Variants in ALG12 observed in about 807,000 individuals in gnomAD.
The protein encoded by ALG12 is ALG12 alpha-1,6-mannosyltransferase.
A neutral mutation model predicts 46.0 loss-of-function variants in ALG12; 36 were observed. That is an observed-to-expected ratio of 0.78 (90% CI 0.60 to 1.03). The LOEUF (loss-of-function observed/expected upper bound fraction) is 1.03, where lower values mean the gene tolerates loss of function less well. Among genes scored for constraint, ALG12 ranks in the 50% least tolerant of loss-of-function variants. The probability of loss-of-function intolerance (pLI) is 0.00; values close to 1 mark genes in which losing one functional copy is unlikely to be tolerated. For missense variants in ALG12, 599 were observed against 633.5 expected (o/e 0.95, Z 0.58); for synonymous variants, 326 against 291.6 (o/e 1.12, Z -1.20).
intron 7 of ALG12, 187 bp from the exon 8 acceptor site, chr22:49,904,693 G>A (rs2060533686): frequency 1.6e-5 from 10 of 641,204 alleles, no homozygotes; most frequent in South Asian, 3.7e-5. Context: ...AGAATTGTCT[G>A]TGAAATTCTA....
the ALG12 span, chr22:49,886,452 G>A: frequency 6.3e-7 from 1 of 1,576,230 alleles, no homozygotes. The surrounding 1 kb of genome is among the most constrained non-coding windows in gnomAD (Gnocchi z 7.7). Flanking sequence ...GGGAGGTCAT[G>A]CAGTCCGTGT....
chr22:49,897,339 A>G (rs535360737), downstream of ALG12, among the ~76,000 whole-genome samples: 34 of 152,320 alleles, frequency 2.2e-4, no homozygotes, highest in Non-Finnish European at 4.7e-4. Context: ...TTGAGTAGAT[A>G]CTGAGGAGCT....
rs1601817518 is a variant in ALG12 at position 49,903,170 on chromosome 22, C to T, written c.*668G>A. Reference sequence around the variant, plus strand: ...AATAGTCACCTGTGATAAGCTATCACATAGGAAACATTTTTAAAATTTCAT... The same window carrying T: ...AATAGTCACCTGTGATAAGCTATCATATAGGAAACATTTTTAAAATTTCAT... On this transcript the variant is annotated 3_prime_UTR_variant, in exon 10 of 10. Transcript: ENST00000330817. The T allele has an allele frequency of 2.7e-6, 1 of 372,534 alleles. No homozygotes were observed. Among genetic ancestry groups the T allele is most frequent in the Admixed American group, 3.4e-5 (1 of 29,234 alleles). The allele number at this position is 372,534 out of a possible 1,614,324, so 23.1% of individuals were successfully genotyped here. A position where few individuals can be genotyped will look rare whatever the true frequency, so the allele number is the denominator to read the frequency against.
rs1214136684 is a variant in ALG12, at chr22:49,906,715, G to A, written c.992+1006C>T. The stretch of plus-strand genomic sequence containing the variant: ...GCCCTGCCGCCCCTCAATGCCCAGC[G>A]TGGCCTGAGTTGGCCTCCTGTTCCC... On this transcript the variant is annotated intron_variant, in intron 7 of 9. Transcript: ENST00000330817. This position sits in a 1 kb window ranked among gnomAD's most constrained non-coding sequence, Gnocchi z 4.4. Among the ~76,000 whole-genome samples the A allele has an allele frequency of 2.6e-5, 4 of 152,160 alleles. No individual in the cohort carries two copies. The highest frequency in any genetic ancestry group is 4.8e-5 in the African/African-American group (2 of 41,444).
Position 49,905,949 on chromosome 22 carries a change from G to A in ALG12, c.993-1443C>T, listed in dbSNP as rs1193279968. Among the ~76,000 whole-genome samples the A allele has an allele frequency of 6.6e-6, 1 of 152,150 alleles. No individual in the cohort carries two copies. The highest frequency in any genetic ancestry group is 1.5e-5 in the Non-Finnish European group (1 of 68,014). ...AGTGGGCAGTCACTGTGGAAAGCTC[G>A]CAATCAGAAACCTTCCACCCCCAGG... On this transcript the variant is annotated intron_variant, in intron 7 of 9. Coordinates refer to ENST00000330817, the MANE Select transcript of ALG12 (RefSeq NM_024105.4). This position sits in a 1 kb window ranked among gnomAD's most constrained non-coding sequence, Gnocchi z 4.9.
the ALG12 span, chr22:49,885,147 C>T: frequency 8.7e-6 from 14 of 1,614,168 alleles, no homozygotes; most frequent in Non-Finnish European, 1.2e-5. Flanking sequence ...TGGGCACCAG[C>T]TGCCTGATGA....
At position 49,903,244 on chromosome 22, in the gene ALG12, CTTA is replaced by C. The variant is rs1272019353; in HGVS notation, c.*591_*593del. On this transcript the variant is annotated 3_prime_UTR_variant, in exon 10 of 10. Coordinates refer to ENST00000330817, the MANE Select transcript of ALG12 (RefSeq NM_024105.4). The stretch of plus-strand genomic sequence containing the variant: ...AGAGGTTCCAATCAACATTTATTGC[CTTA>C]TTCTTTTTATCTCATTCCTTTTTGA... The C allele has an allele frequency of 3.0e-5, 13 of 434,198 alleles. No individual in the cohort carries two copies. Among genetic ancestry groups the C allele is most frequent in the Non-Finnish European group, 4.6e-5 (10 of 219,434 alleles). The allele number at this position is 434,198 out of a possible 1,614,324, so 26.9% of individuals were successfully genotyped here.
intron 3 of ALG12, among the ~76,000 whole-genome samples, chr22:49,913,069 AC>A (rs916422552): frequency 6.6e-6 from 1 of 152,156 alleles, no homozygotes; most frequent in African/African-American, 2.4e-5. Context: ...AAGGCTGTTG[AC>A]CCCATGGGGG....
At chr22:49,868,823 G>A in the ALG12 span, among the ~76,000 whole-genome samples, 2 of 151,826 alleles carry the variant, frequency 1.3e-5, no homozygotes, top group Admixed American at 6.6e-5. Context: ...GAAACGTCAC[G>A]GATGCAGGCC....
Position 49,901,347 on chromosome 22 carries a change from G to T in ALG12, c.*2491C>A, listed in dbSNP as rs886850549. On this transcript the variant is annotated 3_prime_UTR_variant, in exon 10 of 10. Coordinates refer to ENST00000330817, the MANE Select transcript of ALG12 (RefSeq NM_024105.4). ...GCACAGATGTTCGCCAGACGCAATG[G>T]GAAAACCAGGAGGCATCAGGTGGAG... The T allele has an allele frequency of 2.0e-5, 3 of 152,308 alleles. No homozygotes were observed. The highest frequency in any genetic ancestry group is 7.2e-5 in the African/African-American group (3 of 41,466). 9.4% of individuals were successfully genotyped at this position (152,308 alleles called of 1,614,324 possible). A position where few individuals can be genotyped will look rare whatever the true frequency, so the allele number is the denominator to read the frequency against.
At chr22:49,873,075 C>A in the ALG12 span, among the ~76,000 whole-genome samples, 2 of 152,228 alleles carry the variant, frequency 1.3e-5, no homozygotes, top group Non-Finnish European at 2.9e-5. Flanking sequence ...ATGCAGTCCA[C>A]CTGCCTTGGC....
chr22:49,890,527 AAGTC>A, the ALG12 span, among the ~76,000 whole-genome samples: 5 of 152,172 alleles, frequency 3.3e-5, no homozygotes, highest in African/African-American at 7.2e-5. Flanking sequence ...TGAGGAAACA[AAGTC>A]AGAAGGAGCA....
At chr22:49,885,429 G>A in the ALG12 span, 2 of 1,609,502 alleles carry the variant, frequency 1.2e-6, no homozygotes, top group Non-Finnish European at 1.7e-6. Context: ...TCAGCCGGGG[G>A]AAGAAGCCGA....
At chr22:49,859,489 T>C in the ALG12 span, among the ~76,000 whole-genome samples, 139,645 of 152,076 alleles carry the variant, frequency 0.92, 64,198 homozygotes, top group African/African-American at 0.97. Context: ...TCTGGCCCAG[T>C]GTCCCAGGCT....
Position 49,905,988 on chromosome 22 carries a change from C to T in ALG12, c.993-1482G>A, listed in dbSNP as rs1305317668. ...TCCACCCCCAGGACTGTCTCAAGGC[C>T]CTGGGCCCTGACACCGTGGGAAACG... is the stretch of plus-strand genomic sequence containing the variant. On this transcript the variant is annotated intron_variant, in intron 7 of 9. Coordinates refer to ENST00000330817, the MANE Select transcript of ALG12 (RefSeq NM_024105.4). The surrounding 1 kb of genome is among the most constrained non-coding windows in gnomAD (Gnocchi z 4.9). 6.6e-6 allele frequency among the ~76,000 whole-genome samples: 1 copy of T among 152,150 alleles called. No homozygotes were observed. The highest frequency in any genetic ancestry group is 2.4e-5 in the African/African-American group (1 of 41,426).
the ALG12 span, among the ~76,000 whole-genome samples, chr22:49,868,550 G>T: frequency 6.8e-3 from 1,029 of 152,234 alleles, 8 homozygotes; most frequent in African/African-American, 0.023. Flanking sequence ...CTGCACTCTA[G>T]CCTGGGCAAC....
chr22:49,884,640 C>T, the ALG12 span: 1 of 1,612,544 alleles, frequency 6.2e-7, no homozygotes, highest in Non-Finnish European at 8.5e-7. Flanking sequence ...GCACGAGCTG[C>T]CTCATCAGGC....
At chr22:49,863,793 A>T in the ALG12 span, among the ~76,000 whole-genome samples, 3 of 152,246 alleles carry the variant, frequency 2.0e-5, no homozygotes, top group African/African-American at 7.2e-5. Context: ...AGTTTTCACA[A>T]TGATGAATCA....
the ALG12 span, among the ~76,000 whole-genome samples, chr22:49,867,288 C>T: frequency 6.6e-6 from 1 of 152,174 alleles, no homozygotes; most frequent in Admixed American, 6.5e-5. Flanking sequence ...TTGAAATGCC[C>T]AACGCGTATG....
Sources: gnomAD v4.1 joint callset for allele counts (sites outside exome capture counted in the v4.1 genomes callset) on GRCh38, gnomAD v4.1.1 for gene constraint, Gnocchi (gnomAD v3.1) non-coding constraint, MANE v1.5 for transcripts, NCBI Gene and HGNC (gene_info 2026-07-23, HGNC 2026-07-21) for gene names.